TRDN: variants seen among roughly 807,000 people sequenced by gnomAD.
TRDN encodes the protein triadin in skeletal muscle.
Under a neutral mutation model 149.7 loss-of-function variants are expected in TRDN, and 161 were observed. The ratio of observed to expected loss-of-function variants is 1.08; its 90% confidence interval spans 0.95 to 1.23. The LOEUF (loss-of-function observed/expected upper bound fraction) is 1.23, where lower values mean the gene tolerates loss of function less well. Ranked by LOEUF, TRDN falls within the 50% of genes most tolerant of loss-of-function variation. TRDN has a pLI of 0.00. For missense variants in TRDN, 896 were observed against 823.5 expected (o/e 1.09, Z -1.08); for synonymous variants, 294 against 250.5 (o/e 1.17, Z -1.64).
intron 9 of TRDN, among the ~76,000 whole-genome samples, chr6:123,486,519 A>C (rs1446097269): frequency 1.3e-5 from 2 of 152,082 alleles, no homozygotes; most frequent in East Asian, 3.9e-4. Context: ...AGCACTTGGC[A>C]TAATGTTCTG....
chr6:123,388,500 T>C, intron 14 of TRDN, 22 bp downstream of exon 14: 1 of 1,581,574 alleles, frequency 6.3e-7, no homozygotes, highest in Non-Finnish European at 8.6e-7. Context: ...AAAGGCTCAG[T>C]GGGATTTTGC....
intron 23 of TRDN, among the ~76,000 whole-genome samples, chr6:123,317,864 G>C (rs1779086959): frequency 6.6e-6 from 1 of 151,950 alleles, no homozygotes; most frequent in African/African-American, 2.4e-5. Context: ...TCCCTGTTGG[G>C]TATCTGAAGT....
rs1776966094 is a variant in TRDN at position 123,266,272 on chromosome 6, A to AATATATATTATATGTAATATGTATT, written c.1784-959_1784-935dup. On this transcript the variant is annotated intron_variant, in intron 32 of 40. Transcript: ENST00000334268. ...ATATATATTATATATTATATATAGT[A>AATATATATTATATGTAATATGTATT]ATATATATTATATGTAATATGTATT... Among the ~76,000 whole-genome samples the AATATATATTATATGTAATATGTATT allele has an allele frequency of 4.0e-4, 12 of 29,766 alleles. 1 individual carries two copies. Among genetic ancestry groups the AATATATATTATATGTAATATGTATT allele is most frequent in the Non-Finnish European group, 7.2e-4 (10 of 13,828 alleles). 19.5% of individuals were successfully genotyped at this position (29,766 alleles called of 152,430 possible).
intron 5 of TRDN, among the ~76,000 whole-genome samples, chr6:123,525,623 G>A (rs1007919028): frequency 6.6e-6 from 1 of 151,960 alleles, no homozygotes; most frequent in Admixed American, 6.6e-5. Context: ...GGACACACTA[G>A]AAGAGCTCAA....
chr6:123,350,816 T>C, intron 21 of TRDN: 2 of 983,810 alleles, frequency 2.0e-6, no homozygotes, highest in Non-Finnish European at 2.4e-6. Flanking sequence ...CTCATTTTTT[T>C]CACACAATCC....
At chr6:123,482,583 T>C (rs1351838967) in intron 9 of TRDN, among the ~76,000 whole-genome samples, 1 of 152,232 alleles carries the variant, frequency 6.6e-6, no homozygotes, top group Non-Finnish European at 1.5e-5. Context: ...AAAATCATTA[T>C]TAATGTAAAC....
chr6:123,428,377 A>G (rs76455868), intron 12 of TRDN, among the ~76,000 whole-genome samples: 28 of 152,290 alleles, frequency 1.8e-4, no homozygotes, highest in African/African-American at 6.7e-4. Context: ...GCAGGACATG[A>G]ACAAGAGAGG....
At chr6:123,286,078 A>C (rs1349741334) in intron 24 of TRDN, among the ~76,000 whole-genome samples, 2 of 152,186 alleles carry the variant, frequency 1.3e-5, no homozygotes, top group Non-Finnish European at 2.9e-5. Flanking sequence ...TGCTGGTGGG[A>C]ATGTAAGCTT....
chr6:123,392,937 G>C (rs990173772), intron 13 of TRDN, among the ~76,000 whole-genome samples: 2 of 151,944 alleles, frequency 1.3e-5, no homozygotes, highest in African/African-American at 4.8e-5. Flanking sequence ...ATATAATCTA[G>C]CATAGAAGAG....
chr6:123,569,750 A>G (rs1470800306), intron 2 of TRDN, among the ~76,000 whole-genome samples: 3 of 152,118 alleles, frequency 2.0e-5, no homozygotes, highest in African/African-American at 7.2e-5. Flanking sequence ...AAACAACCAG[A>G]TCTCATGAGA....
chr6:123,533,089 G>C (rs1007904839), intron 4 of TRDN, among the ~76,000 whole-genome samples: 1 of 152,102 alleles, frequency 6.6e-6, no homozygotes, highest in Admixed American at 6.6e-5. Flanking sequence ...GACGTACTAA[G>C]GGAGTTGCCT....
chr6:123,533,241 T>C (rs1231078808), intron 4 of TRDN, among the ~76,000 whole-genome samples: 1 of 152,238 alleles, frequency 6.6e-6, no homozygotes, highest in Non-Finnish European at 1.5e-5. Flanking sequence ...GAATAATATT[T>C]TTTTTAGAGG....
chr6:123,614,823 C>G (rs1785002266), intron 1 of TRDN, among the ~76,000 whole-genome samples: 1 of 151,944 alleles, frequency 6.6e-6, no homozygotes, highest in Admixed American at 6.6e-5. Flanking sequence ...TAAAAAGATT[C>G]TGCACAGCAA....
chr6:123,596,379 A>G (rs1404894953), intron 1 of TRDN, among the ~76,000 whole-genome samples: 1 of 152,124 alleles, frequency 6.6e-6, no homozygotes, highest in Non-Finnish European at 1.5e-5. Context: ...ATAGAAGTGC[A>G]AGGTGAAGCA....
chr6:123,380,460 T>C (rs1234640540), intron 16 of TRDN, among the ~76,000 whole-genome samples: 1 of 152,194 alleles, frequency 6.6e-6, no homozygotes, highest in Admixed American at 6.5e-5. Context: ...AATCTGGAAC[T>C]GAGAGAACTC....
At chr6:123,246,858 A>G (rs1776200536) in intron 38 of TRDN, among the ~76,000 whole-genome samples, 1 of 152,196 alleles carries the variant, frequency 6.6e-6, no homozygotes, top group Non-Finnish European at 1.5e-5. Context: ...CCTCAATAAA[A>G]TACTGACAAA....
At chr6:123,255,824 T>C in intron 36 of TRDN, 43 bp downstream of exon 36, 1 of 1,268,044 alleles carries the variant, frequency 7.9e-7, no homozygotes, top group East Asian at 3.1e-5. Context: ...ATATTTTAGC[T>C]TCAGGGCTTT....
chr6:123,516,965 CCTAA>C (rs1562359610), intron 5 of TRDN, among the ~76,000 whole-genome samples: 4 of 151,920 alleles, frequency 2.6e-5, no homozygotes, highest in South Asian at 2.1e-4. Context: ...TATTATTTTC[CCTAA>C]CTATCATTTA....
chr6:123,542,496 T>G (rs2114404631), intron 4 of TRDN, among the ~76,000 whole-genome samples: 1 of 152,206 alleles, frequency 6.6e-6, no homozygotes, highest in East Asian at 1.9e-4. Flanking sequence ...CCTAATTCCT[T>G]GTTAGGAGCC....
Sources: gnomAD v4.1 joint callset for allele counts (sites outside exome capture counted in the v4.1 genomes callset) on GRCh38, gnomAD v4.1.1 for gene constraint, MANE v1.5 for transcripts, NCBI Gene and HGNC (gene_info 2026-07-23, HGNC 2026-07-21) for gene names.